The following UBN2 variants were observed in gnomAD, a reference collection of about 807,000 sequenced individuals.
UBN2 encodes the protein ubinuclein-2.
In UBN2, 35 loss-of-function variants were observed where a neutral mutation model predicts 120.2. The observed-to-expected ratio is 0.29, with a 90% CI of 0.22 to 0.39. UBN2 has a LOEUF of 0.39. Among genes scored for constraint, UBN2 ranks in the 10% least tolerant of loss-of-function variants. The pLI is 1.00. For missense variants in UBN2, 1,693 were observed against 1,663.2 expected, an observed-to-expected ratio of 1.02 and a Z score of -0.31; for synonymous variants, 661 against 648.7, an observed-to-expected ratio of 1.02 and a Z score of -0.29.
At chr7:139,310,231 G>A (rs1371264265), downstream of UBN2, among the ~76,000 whole-genome samples, 2 of 150,870 alleles carry the variant, frequency 1.3e-5, no homozygotes, top group African/African-American at 2.4e-5. Flanking sequence ...GGAGGCTGAA[G>A]TGGGAGGATC....
At chr7:139,317,158 T>C in the UBN2 span, among the ~76,000 whole-genome samples, 1 of 152,046 alleles carries the variant, frequency 6.6e-6, no homozygotes, top group African/African-American at 2.4e-5. Flanking sequence ...ACAAGACCTT[T>C]GCATTGCGGT....
At chr7:139,310,010 G>C (rs1798427596), downstream of UBN2, among the ~76,000 whole-genome samples, 1 of 152,108 alleles carries the variant, frequency 6.6e-6, no homozygotes, top group African/African-American at 2.4e-5. Context: ...GAGTAAGTAA[G>C]TTGTTTTGTG....
At chr7:139,245,470 CTTAGA>C (rs1309031794) in intron 2 of UBN2, among the ~76,000 whole-genome samples, 2 of 152,130 alleles carry the variant, frequency 1.3e-5, no homozygotes, top group South Asian at 2.1e-4. Context: ...CATTTTACTA[CTTAGA>C]TTAGATTATG....
intron 2 of UBN2, among the ~76,000 whole-genome samples, chr7:139,243,257 A>G (rs1164927984): frequency 6.6e-6 from 1 of 152,198 alleles, no homozygotes; most frequent in African/African-American, 2.4e-5. Flanking sequence ...AGATAAGAAG[A>G]AAGTTCTTCA....
intron 15 of UBN2, among the ~76,000 whole-genome samples, chr7:139,290,934 A>G (rs1028607364): frequency 5.9e-5 from 9 of 152,222 alleles, no homozygotes; most frequent in Admixed American, 2.0e-4. Flanking sequence ...CCCCACCAGA[A>G]GCAAAAGGAC....
chr7:139,260,317 C>T lies in UBN2; in HGVS notation c.906-935C>T, dbSNP rs536966639. On this transcript the variant is annotated intron_variant, in intron 5 of 17. Coordinates refer to ENST00000473989, the MANE Select transcript of UBN2 (RefSeq NM_173569.4). Reference sequence around the variant, plus strand: ...TTCGCCATGTTATCTAGGCTGGTCTCGAACTCCTGGGCTCAAGTGATTCAC... The same window carrying T: ...TTCGCCATGTTATCTAGGCTGGTCTTGAACTCCTGGGCTCAAGTGATTCAC... Among the ~76,000 whole-genome samples, 3 of 151,778 alleles carry T rather than the reference C, an allele frequency of 2.0e-5. No homozygotes were observed. In the South Asian group the frequency reaches 6.3e-4, roughly 32 times the overall value.
intron 1 of UBN2, among the ~76,000 whole-genome samples, chr7:139,232,608 C>T (rs1456148147): frequency 6.6e-6 from 1 of 152,080 alleles, no homozygotes; most frequent in Admixed American, 6.5e-5. Context: ...TATTGGAAAA[C>T]CTTTTTAGCT....
chr7:139,256,513 G>A (rs1485149454), intron 3 of UBN2, among the ~76,000 whole-genome samples: 1 of 152,088 alleles, frequency 6.6e-6, no homozygotes, highest in Admixed American at 6.5e-5. Flanking sequence ...TCTTTAAAGT[G>A]GGAGTAATAT....
downstream of UBN2, among the ~76,000 whole-genome samples, chr7:139,310,171 G>A (rs1469538830): frequency 6.6e-6 from 1 of 151,884 alleles, no homozygotes; most frequent in Non-Finnish European, 1.5e-5. Context: ...GGCTTGGAGG[G>A]AAAACACAAT....
At chr7:139,235,079 G>A (rs1337003707) in intron 1 of UBN2, among the ~76,000 whole-genome samples, 1 of 152,092 alleles carries the variant, frequency 6.6e-6, no homozygotes, top group East Asian at 1.9e-4. Context: ...GAAAATAAGA[G>A]CTGTACTTTT....
At chr7:139,263,713 G>A (rs1797007768) in intron 6 of UBN2, among the ~76,000 whole-genome samples, 1 of 149,254 alleles carries the variant, frequency 6.7e-6, no homozygotes, top group South Asian at 2.1e-4. Flanking sequence ...GGTGGAGGTT[G>A]CAGTGAGCAT....
chr7:139,255,814 T>G lies in UBN2; in HGVS notation c.664-2674T>G, dbSNP rs186056977. ...AAATAAATGCTTTTGAAGATTATTT[T>G]TAGTCTCATATTTATGCTACCAAAC... On this transcript the variant is annotated intron_variant, in intron 3 of 17. Coordinates refer to ENST00000473989, the MANE Select transcript of UBN2 (RefSeq NM_173569.4). Among the ~76,000 whole-genome samples the G allele has an allele frequency of 2.2e-4, 33 of 152,322 alleles. No individual in the cohort carries two copies. In the East Asian group the frequency reaches 6.2e-3, roughly 28 times the overall value.
At chr7:139,317,413 C>T in the UBN2 span, among the ~76,000 whole-genome samples, 3 of 151,994 alleles carry the variant, frequency 2.0e-5, no homozygotes, top group African/African-American at 4.8e-5. Context: ...TAAAACTTCA[C>T]GTTTTTTCTT....
Position 139,297,927 on chromosome 7 carries a change from T to G in UBN2, c.*91T>G. The G allele has an allele frequency of 2.9e-6, 4 of 1,373,742 alleles. No homozygotes were observed. The highest frequency in any genetic ancestry group is 4.1e-6 in the Non-Finnish European group (4 of 967,554). The allele number at this position is 1,373,742 out of a possible 1,614,324, so 85.1% of individuals were successfully genotyped here. A position where few individuals can be genotyped will look rare whatever the true frequency, so the allele number is the denominator to read the frequency against. On this transcript the variant is annotated 3_prime_UTR_variant, in exon 18 of 18. Transcript: ENST00000473989. ...CTTATGTGGTCATAGGGCTGCTGTT[T>G]CTGTCGATGTTTACATTCTCTCGTC...
At chr7:139,290,704 T>G (rs932413006) in intron 15 of UBN2, among the ~76,000 whole-genome samples, 6 of 152,204 alleles carry the variant, frequency 3.9e-5, no homozygotes, top group African/African-American at 1.4e-4. Flanking sequence ...ACTATGGATA[T>G]AAATTTCAGT....
chr7:139,276,738 G>A (rs1797453628), intron 12 of UBN2: 1 of 152,706 alleles, frequency 6.5e-6, no homozygotes, highest in Non-Finnish European at 1.5e-5. Context: ...ACAACGTAGG[G>A]CTACTTCTCT....
chr7:139,241,890 C>T (rs1230681747), intron 2 of UBN2, among the ~76,000 whole-genome samples: 4 of 151,912 alleles, frequency 2.6e-5, no homozygotes, highest in South Asian at 2.1e-4. Context: ...TCCAGATATT[C>T]GGGAGACTGA....
At chr7:139,293,605 T>C in intron 16 of UBN2, 142 bp downstream of exon 16, 3 of 737,964 alleles carry the variant, frequency 4.1e-6, no homozygotes. Flanking sequence ...ATGCAGTTTA[T>C]ATATAGTAAG....
intron 17 of UBN2, among the ~76,000 whole-genome samples, chr7:139,296,927 G>T (rs1798125349): frequency 1.3e-5 from 2 of 152,108 alleles, no homozygotes; most frequent in South Asian, 4.1e-4. Context: ...AGGCGTGGTG[G>T]CTCATGCCTG....
Sources: gnomAD v4.1 joint callset for allele counts (sites outside exome capture counted in the v4.1 genomes callset) on GRCh38, gnomAD v4.1.1 for gene constraint, MANE v1.5 for transcripts, NCBI Gene and HGNC (gene_info 2026-07-23, HGNC 2026-07-21) for gene names.